Variants in KCNQ1 observed in about 807,000 individuals in gnomAD.
KCNQ1 encodes the protein potassium voltage-gated channel subfamily Q member 1.
Under a neutral mutation model 72.4 loss-of-function variants are expected in KCNQ1, and 49 were observed. The observed-to-expected ratio is 0.68, with a 90% confidence interval of 0.54 to 0.86. KCNQ1 has a LOEUF of 0.86. Among genes scored for constraint, KCNQ1 ranks in the 40% least tolerant of loss-of-function variants. The pLI is 0.00. For synonymous variants in KCNQ1, 450 were observed against 412.6 expected (o/e 1.09, Z -1.10); for missense variants, 790 against 945.1 (o/e 0.84, Z 2.15).
At position 2,695,485 on chromosome 11, in the gene KCNQ1, A is replaced by C; in HGVS notation, c.1514+33404A>C. On this transcript the variant is annotated intron_variant, in intron 11 of 15. Coordinates refer to ENST00000155840, the MANE Select transcript of KCNQ1 (RefSeq NM_000218.3). The surrounding 1 kb of genome is among the most constrained non-coding windows in gnomAD (Gnocchi z 5.2). Reference sequence around the variant, plus strand: ...GTTTCCACGCGTCTCTATCTTGTGAAGTGTACATCTAGTCCCCTGCTCCTA... The same window carrying C: ...GTTTCCACGCGTCTCTATCTTGTGACGTGTACATCTAGTCCCCTGCTCCTA... 1 of 398,596 alleles carries C rather than the reference A, an allele frequency of 2.5e-6. No homozygotes were observed. The highest frequency in any genetic ancestry group is 1.3e-4 in the South Asian group (1 of 7,854). The allele number at this position is 398,596 out of a possible 1,614,324, so 24.7% of individuals were successfully genotyped here. A position where few individuals can be genotyped will look rare whatever the true frequency, so the allele number is the denominator to read the frequency against.
intron 11 of KCNQ1, among the ~76,000 whole-genome samples, chr11:2,714,486 C>T (rs1851056246): frequency 1.3e-5 from 2 of 152,208 alleles, no homozygotes; most frequent in Admixed American, 6.5e-5. Flanking sequence ...CCCCTGTGCA[C>T]TTCTGAATCC....
intron 6 of KCNQ1, among the ~76,000 whole-genome samples, chr11:2,576,054 G>A (rs566157269): frequency 9.8e-5 from 15 of 152,340 alleles, no homozygotes; most frequent in Non-Finnish European, 1.9e-4. Context: ...GTTGGCTTTA[G>A]GGTCCACCCA....
At position 2,783,988 on chromosome 11, in the gene KCNQ1, T is replaced by A. The variant is rs1846870113; in HGVS notation, c.1794+5951T>A. ...TCACATCTTTTAAATCACAAAAGTT[T>A]TTAATTTTAATGAAGTCCAATTTGT... On this transcript the variant is annotated intron_variant, in intron 15 of 15. Transcript: ENST00000155840. This position sits in a 1 kb window ranked among gnomAD's most constrained non-coding sequence, Gnocchi z 5.2. Among the ~76,000 whole-genome samples the A allele has an allele frequency of 6.6e-6, 1 of 152,020 alleles. No homozygotes were observed. Among genetic ancestry groups the A allele is most frequent in the South Asian group, 2.1e-4 (1 of 4,832 alleles).
chr11:2,551,346 A>G (rs1847980991), intron 2 of KCNQ1, among the ~76,000 whole-genome samples: 2 of 152,170 alleles, frequency 1.3e-5, no homozygotes, highest in African/African-American at 4.8e-5. Context: ...CGTCATGTGA[A>G]TGGAATCTCG....
rs545932674 is a variant in KCNQ1, at chr11:2,828,546, G to A, written c.1795-19221G>A. On this transcript the variant is annotated intron_variant, in intron 15 of 15. Transcript: ENST00000155840. The surrounding 1 kb of genome is among the most constrained non-coding windows in gnomAD (Gnocchi z 5.3). ...GCCCTGCAGGAAGAAGAGCCACCAAGAATGAGGCAGTTCCCAACCCAGGAC... is the reference window on the plus strand; with the variant it reads ...GCCCTGCAGGAAGAAGAGCCACCAAAAATGAGGCAGTTCCCAACCCAGGAC... Among the ~76,000 whole-genome samples, 3 of 152,248 alleles carry A rather than the reference G, an allele frequency of 2.0e-5. No homozygotes were observed. Among genetic ancestry groups the A allele is most frequent in the African/African-American group, 7.2e-5 (3 of 41,552 alleles).
intron 11 of KCNQ1, chr11:2,667,027 C>T (rs1850085818): frequency 5.0e-6 from 2 of 398,560 alleles, no homozygotes; most frequent in Non-Finnish European, 4.4e-6. Context: ...CGTCAGAGCC[C>T]CACATAGCCC....
chr11:2,655,803 A>C, intron 10 of KCNQ1: 1 of 398,572 alleles, frequency 2.5e-6, no homozygotes, highest in Non-Finnish European at 4.4e-6. Flanking sequence ...AGCACGCCCC[A>C]CAGTCTCCAA....
chr11:2,631,340 C>T, intron 10 of KCNQ1: 2 of 398,314 alleles, frequency 5.0e-6, no homozygotes, highest in Non-Finnish European at 8.8e-6. Context: ...TGATGAATTC[C>T]TCCTTCTATT....
chr11:2,490,326 G>C (rs536257303), intron 1 of KCNQ1, among the ~76,000 whole-genome samples: 3 of 152,344 alleles, frequency 2.0e-5, no homozygotes, highest in Non-Finnish European at 2.9e-5. Context: ...GGCATCTCTG[G>C]ACCCACCTTG....
chr11:2,633,482 T>C (rs1195219863), intron 10 of KCNQ1: 7 of 398,462 alleles, frequency 1.8e-5, no homozygotes, highest in Admixed American at 8.8e-5. Flanking sequence ...TCTGTTTTCT[T>C]CTAGTACTGT....
In KCNQ1 at chr11:2,830,182, C is replaced by T. The variant is rs1300851603; in HGVS notation, c.1795-17585C>T. On this transcript the variant is annotated intron_variant, in intron 15 of 15. Coordinates refer to ENST00000155840, the MANE Select transcript of KCNQ1 (RefSeq NM_000218.3). This position sits in a 1 kb window ranked among gnomAD's most constrained non-coding sequence, Gnocchi z 7.7. Reference sequence around the variant, plus strand: ...GGGAAAGACCAGCAGGCCCTTTACACCGTGGGCACAGGCTCAGGACTGGCT... The same window carrying T: ...GGGAAAGACCAGCAGGCCCTTTACATCGTGGGCACAGGCTCAGGACTGGCT... Among the ~76,000 whole-genome samples, 1 of 152,134 alleles carries T rather than the reference C, an allele frequency of 6.6e-6. No individual in the cohort carries two copies. The highest frequency in any genetic ancestry group is 1.5e-5 in the Non-Finnish European group (1 of 68,010).
Position 2,712,587 on chromosome 11 carries a change from C to G in KCNQ1, c.1514+50506C>G, listed in dbSNP as rs1851024297. Among the ~76,000 whole-genome samples the G allele has an allele frequency of 6.6e-6, 1 of 152,190 alleles. No individual in the cohort carries two copies. Among genetic ancestry groups the G allele is most frequent in the Non-Finnish European group, 1.5e-5 (1 of 68,022 alleles). On this transcript the variant is annotated intron_variant, in intron 11 of 15. Transcript: ENST00000155840. The surrounding 1 kb of genome is among the most constrained non-coding windows in gnomAD (Gnocchi z 6.4). ...CGGCCCAAATGTTAGACACTCTTCT[C>G]TCTTAGGTGGTTTGAGGAGACTTAG... is the stretch of plus-strand genomic sequence containing the variant.
intron 1 of KCNQ1, among the ~76,000 whole-genome samples, chr11:2,503,695 AT>A (rs1847053333): frequency 6.6e-6 from 1 of 152,138 alleles, no homozygotes; most frequent in African/African-American, 2.4e-5. Context: ...TATAATAATA[AT>A]AAAAAAACAA....
At position 2,614,898 on chromosome 11, in the gene KCNQ1, T is replaced by G. The variant is rs182717980; in HGVS notation, c.1393+26044T>G. ...GGCCCTGGGAAAATTCCATTTACAT[T>G]TTAAAATCAGTTTTTACATTTCTGC... is the stretch of plus-strand genomic sequence containing the variant. On this transcript the variant is annotated intron_variant, in intron 10 of 15. Transcript: ENST00000155840. 4.3e-5 allele frequency: 17 copies of G among 398,476 alleles called. No individual in the cohort carries two copies. In the East Asian group the frequency reaches 5.7e-4, roughly 13 times the overall value. The allele number at this position is 398,476 out of a possible 1,614,324, so 24.7% of individuals were successfully genotyped here. A position where few individuals can be genotyped will look rare whatever the true frequency, so the allele number is the denominator to read the frequency against.
At position 2,468,450 on chromosome 11, in the gene KCNQ1, C is replaced by A. The variant is rs1846386448; in HGVS notation, c.386+22966C>A. On this transcript the variant is annotated intron_variant, in intron 1 of 15. Transcript: ENST00000155840. This position sits in a 1 kb window ranked among gnomAD's most constrained non-coding sequence, Gnocchi z 5.7. ...GCATGCACTTTTTTTTTCTAAGTAG[C>A]TTTACGGAGGCGTGCTTGGCATACG... 6.6e-6 allele frequency among the ~76,000 whole-genome samples: 1 copy of A among 152,054 alleles called. No individual in the cohort carries two copies. The highest frequency in any genetic ancestry group is 2.4e-5 in the African/African-American group (1 of 41,396).
chr11:2,790,665 C>T (rs111734569), intron 15 of KCNQ1, among the ~76,000 whole-genome samples: 244 of 152,346 alleles, frequency 1.6e-3, no homozygotes, highest in Middle Eastern at 0.01. Context: ...GGGCTCTCAG[C>T]GCCTCAGCCT....
intron 1 of KCNQ1, among the ~76,000 whole-genome samples, chr11:2,470,493 G>A (rs754443766): frequency 6.6e-6 from 1 of 152,090 alleles, no homozygotes; most frequent in Non-Finnish European, 1.5e-5. Context: ...ATCTCGTCTC[G>A]CCTTTGTTCT....
At chr11:2,527,301 GAC>G (rs1847526652) in intron 1 of KCNQ1, among the ~76,000 whole-genome samples, 1 of 152,146 alleles carries the variant, frequency 6.6e-6, no homozygotes, top group African/African-American at 2.4e-5. Flanking sequence ...CAGGTGTCAG[GAC>G]CCCCACCTGG....
rs1846885306 is a variant in KCNQ1, at chr11:2,784,960, G to T, written c.1794+6923G>T. Among the ~76,000 whole-genome samples the T allele has an allele frequency of 1.3e-5, 2 of 151,942 alleles. No individual in the cohort carries two copies. The highest frequency in any genetic ancestry group is 1.5e-5 in the Non-Finnish European group (1 of 67,846). On this transcript the variant is annotated intron_variant, in intron 15 of 15. Transcript: ENST00000155840. This position sits in a 1 kb window ranked among gnomAD's most constrained non-coding sequence, Gnocchi z 4.7. ...TAAGATTTTCTACATATAGGATCAT[G>T]TCTTGTGGCAATAAAGACAATTTTT...
Sources: allele counts gnomAD v4.1 joint callset (sites outside exome capture counted in the v4.1 genomes callset), GRCh38; gene constraint gnomAD v4.1.1; non-coding constraint Gnocchi (gnomAD v3.1); transcripts MANE v1.5; gene names NCBI Gene and HGNC (gene_info 2026-07-23, HGNC 2026-07-21).